MYO1D: variants seen among roughly 807,000 people sequenced by gnomAD.
MYO1D encodes the protein unconventional myosin-Id.
A neutral mutation model predicts 122.0 loss-of-function variants in MYO1D; 83 were observed. The ratio of observed to expected loss-of-function variants is 0.68; its 90% confidence interval spans 0.57 to 0.82. The LOEUF (loss-of-function observed/expected upper bound fraction) is 0.82. Among genes scored for constraint, MYO1D ranks in the 40% least tolerant of loss-of-function variants. The pLI, the probability that MYO1D is intolerant of heterozygous loss-of-function variation, is 0.00. For synonymous variants in MYO1D, 464 were observed against 446.9 expected, an observed-to-expected ratio of 1.04 and a Z score of -0.48; for missense variants, 1,157 against 1,269.5, an observed-to-expected ratio of 0.91 and a Z score of 1.35.
In MYO1D at chr17:32,731,037, G is replaced by C. The variant is rs190499521; in HGVS notation, c.1746+7216C>G. Among the ~76,000 whole-genome samples, 200 of 151,828 alleles carry C rather than the reference G, an allele frequency of 1.3e-3. 1 individual carries two copies. The highest frequency in any genetic ancestry group is 1.8e-3 in the Non-Finnish European group (123 of 67,966). The stretch of plus-strand genomic sequence containing the variant: ...TTCTCCTTCCTCAGCCTTCTGAGTA[G>C]CTGGGATTACATGTGCATGCCACCA... On this transcript the variant is annotated intron_variant, in intron 14 of 21. Coordinates refer to ENST00000318217, the MANE Select transcript of MYO1D (RefSeq NM_015194.3).
chr17:32,784,367 G>C (rs1299342065), intron 1 of MYO1D, among the ~76,000 whole-genome samples: 1 of 152,030 alleles, frequency 6.6e-6, no homozygotes, highest in Non-Finnish European at 1.5e-5. Flanking sequence ...TTCTCCAAAA[G>C]TCTAAGCACT....
intron 21 of MYO1D, among the ~76,000 whole-genome samples, chr17:32,568,057 C>T (rs922896540): frequency 1.4e-5 from 2 of 145,144 alleles, no homozygotes; most frequent in Non-Finnish European, 3.1e-5. Flanking sequence ...AAAAAGGTCA[C>T]GCAAACTTCT....
intron 21 of MYO1D, among the ~76,000 whole-genome samples, chr17:32,586,890 G>C (rs1388690215): frequency 6.6e-6 from 1 of 152,174 alleles, no homozygotes; most frequent in Non-Finnish European, 1.5e-5. Flanking sequence ...ATCTGGCCTG[G>C]AGTGTGAATT....
intron 15 of MYO1D, among the ~76,000 whole-genome samples, chr17:32,716,743 T>A (rs937837302): frequency 6.6e-6 from 1 of 152,238 alleles, no homozygotes; most frequent in Admixed American, 6.5e-5. Context: ...TGGATTGCTA[T>A]CCTACAGCCC....
At chr17:32,689,578 A>G (rs527995580) in intron 16 of MYO1D, among the ~76,000 whole-genome samples, 19 of 152,338 alleles carry the variant, frequency 1.2e-4, no homozygotes, top group African/African-American at 4.6e-4. Context: ...GTGTGTGTGT[A>G]GATATTTCCA....
At position 32,780,655 on chromosome 17, in the gene MYO1D, C is replaced by A. The variant is rs749007183; in HGVS notation, c.225G>T (p.Pro75=). 2 of 1,613,938 alleles carry A rather than the reference C, an allele frequency of 1.2e-6. No individual in the cohort carries two copies. Among genetic ancestry groups the A allele is most frequent in the Non-Finnish European group, 1.7e-6 (2 of 1,180,020 alleles). ...CATCCGCAATAGCAAAAAGGTGAGG[C>A]GGTCTCTCATACAGCTCACGGCCTT... ...QYKGRELYER[P]PHLFAIADAA... The change falls in exon 2 of 22, where the codon CCG becomes CCT. Residue 75 remains proline (P), a synonymous_variant. Coordinates refer to ENST00000318217, the MANE Select transcript of MYO1D (RefSeq NM_015194.3).
chr17:32,538,489 G>A (rs1474984114), intron 21 of MYO1D, among the ~76,000 whole-genome samples: 1 of 150,500 alleles, frequency 6.6e-6, no homozygotes, highest in Non-Finnish European at 1.5e-5. Flanking sequence ...TTGTAGAGAT[G>A]GGGTCTTGCT....
intron 14 of MYO1D, among the ~76,000 whole-genome samples, chr17:32,731,230 T>C (rs1380481573): frequency 6.6e-6 from 1 of 152,238 alleles, no homozygotes; most frequent in African/African-American, 2.4e-5. Context: ...CTTTTATATG[T>C]TTCATTTCTT....
intron 21 of MYO1D, among the ~76,000 whole-genome samples, chr17:32,577,175 C>T (rs144610212): frequency 2.7e-4 from 40 of 146,268 alleles, no homozygotes; most frequent in African/African-American, 9.2e-4. Context: ...CACTTGAACC[C>T]GGGAGGCGGA....
At chr17:32,536,854 GA>G (rs1213959741) in intron 21 of MYO1D, among the ~76,000 whole-genome samples, 1 of 152,134 alleles carries the variant, frequency 6.6e-6, no homozygotes, top group Non-Finnish European at 1.5e-5. Context: ...TGGTGGTTAG[GA>G]AAAAAGTTCC....
chr17:32,524,407 T>A (rs1326397273), intron 21 of MYO1D, among the ~76,000 whole-genome samples: 1 of 152,098 alleles, frequency 6.6e-6, no homozygotes, highest in Non-Finnish European at 1.5e-5. Context: ...TCTTTTTTTT[T>A]CTTTGGACAG....
At chr17:32,757,598 C>T (rs1476936224) in intron 10 of MYO1D, among the ~76,000 whole-genome samples, 1 of 152,062 alleles carries the variant, frequency 6.6e-6, no homozygotes, top group Non-Finnish European at 1.5e-5. Flanking sequence ...ACTCAAAAAG[C>T]AGGAGCTCTA....
intron 21 of MYO1D, among the ~76,000 whole-genome samples, chr17:32,536,762 C>T (rs961529623): frequency 1.3e-5 from 2 of 152,140 alleles, no homozygotes; most frequent in Admixed American, 6.5e-5. Flanking sequence ...GTAGAATTTT[C>T]CATTCGATAT....
intron 16 of MYO1D, among the ~76,000 whole-genome samples, chr17:32,689,667 G>A (rs188055635): frequency 3.9e-5 from 6 of 152,050 alleles, no homozygotes; most frequent in African/African-American, 1.4e-4. Flanking sequence ...CATTTATGAA[G>A]AACACTCTTC....
At chr17:32,495,091 G>A (rs1308042783) in intron 21 of MYO1D, among the ~76,000 whole-genome samples, 176 bp from the exon 22 acceptor site, 3 of 152,216 alleles carry the variant, frequency 2.0e-5, no homozygotes, top group African/African-American at 7.2e-5. Flanking sequence ...GCACTAGCTG[G>A]GCCTCCAACC....
chr17:32,729,661 T>G (rs2150997187), intron 14 of MYO1D, among the ~76,000 whole-genome samples: 1 of 152,326 alleles, frequency 6.6e-6, no homozygotes, highest in Admixed American at 6.5e-5. Flanking sequence ...TGGTTGTTTT[T>G]GTCTTAGAAG....
chr17:32,761,261 CT>C (rs1298320108), intron 8 of MYO1D, among the ~76,000 whole-genome samples: 1 of 152,124 alleles, frequency 6.6e-6, no homozygotes, highest in Non-Finnish European at 1.5e-5. Context: ...GCTACCCACT[CT>C]CTTCACCCAT....
rs60912187 is a variant in MYO1D at position 32,673,090 on chromosome 17, CTTTTTTTTTT to C, written c.2122-13762_2122-13753del. Among the ~76,000 whole-genome samples the C allele has an allele frequency of 6.7e-3, 192 of 28,582 alleles. 2 individuals carry two copies. The highest frequency in any genetic ancestry group is 0.012 in the African/African-American group (138 of 11,466). The allele number at this position is 28,582 out of a possible 152,430, so 18.8% of individuals were successfully genotyped here. A position where few individuals can be genotyped will look rare whatever the true frequency, so the allele number is the denominator to read the frequency against. On this transcript the variant is annotated intron_variant, in intron 16 of 21. Transcript: ENST00000318217. ...TGTAAGGAATTACATAAACATGCTA[CTTTTTTTTTT>C]TTTTTTTTTTTTTTTTTTTTTTTTT...
At chr17:32,833,366 T>C (rs1285235485) in intron 1 of MYO1D, among the ~76,000 whole-genome samples, 2 of 152,178 alleles carry the variant, frequency 1.3e-5, no homozygotes, top group Non-Finnish European at 1.5e-5. Context: ...CTTCAAAGCA[T>C]ATCTAGAGTC....
Sources: allele counts gnomAD v4.1 joint callset (sites outside exome capture counted in the v4.1 genomes callset), GRCh38; gene constraint gnomAD v4.1.1; transcripts MANE v1.5; gene names NCBI Gene and HGNC (gene_info 2026-07-23, HGNC 2026-07-21).